FOXN3: variants seen among roughly 807,000 people sequenced by gnomAD.
The protein encoded by FOXN3 is forkhead box protein N3.
A neutral mutation model predicts 38.4 loss-of-function variants in FOXN3; 7 were observed. The ratio of observed to expected loss-of-function variants is 0.18; its 90% confidence interval spans 0.10 to 0.34. FOXN3 has a LOEUF of 0.34. Among genes scored for constraint, FOXN3 ranks in the 10% least tolerant of loss-of-function variants. The pLI is 1.00. For synonymous variants in FOXN3, 230 were observed against 242.2 expected (o/e 0.95, Z 0.47); for missense variants, 456 against 613.4 (o/e 0.74, Z 2.71).
chr14:89,433,315 C>G (rs1892203221), intron 1 of FOXN3, among the ~76,000 whole-genome samples: 1 of 152,174 alleles, frequency 6.6e-6, no homozygotes, highest in Non-Finnish European at 1.5e-5. Context: ...AACCCCATCT[C>G]TACTAAAAAT....
At position 89,158,785 on chromosome 14, in the gene FOXN3, A is replaced by C. The variant is rs1016028544; in HGVS notation, c.*3629T>G. On this transcript the variant is annotated 3_prime_UTR_variant, in exon 6 of 6. Coordinates refer to ENST00000557258, the MANE Select transcript of FOXN3 (RefSeq NM_005197.4). ...ATGTATCCGAGGGCCAATAGCAAGT[A>C]ATCGTAGACGTCGTGGTGTTGATGT... 2 of 152,642 alleles carry C rather than the reference A, an allele frequency of 1.3e-5. No homozygotes were observed. The highest frequency in any genetic ancestry group is 4.8e-5 in the African/African-American group (2 of 41,460). 9.5% of individuals were successfully genotyped at this position (152,642 alleles called of 1,614,324 possible). A position where few individuals can be genotyped will look rare whatever the true frequency, so the allele number is the denominator to read the frequency against.
intron 1 of FOXN3, among the ~76,000 whole-genome samples, chr14:89,487,328 C>T (rs1893468716): frequency 1.3e-5 from 2 of 152,200 alleles, no homozygotes; most frequent in Admixed American, 6.5e-5. Flanking sequence ...AAAAGAATGG[C>T]ATTAGCCTAC....
At chr14:89,371,425 C>T (rs1890316399) in intron 2 of FOXN3, among the ~76,000 whole-genome samples, 1 of 151,930 alleles carries the variant, frequency 6.6e-6, no homozygotes, top group Non-Finnish European at 1.5e-5. Context: ...ACCAACAATC[C>T]AAGAAAACCT....
chr14:89,526,910 C>T (rs1283304864), intron 1 of FOXN3, among the ~76,000 whole-genome samples: 1 of 152,098 alleles, frequency 6.6e-6, no homozygotes, highest in African/African-American at 2.4e-5. Context: ...ACCAATGGAA[C>T]AGAATAGAGT....
intron 1 of FOXN3, among the ~76,000 whole-genome samples, chr14:89,460,425 C>A (rs144289613): frequency 6.6e-6 from 1 of 152,264 alleles, no homozygotes; most frequent in East Asian, 1.9e-4. Flanking sequence ...ATAACAAATG[C>A]CAATGATATG....
At chr14:89,459,674 C>A (rs1163558417) in intron 1 of FOXN3, among the ~76,000 whole-genome samples, 1 of 152,174 alleles carries the variant, frequency 6.6e-6, no homozygotes, top group African/African-American at 2.4e-5. Flanking sequence ...TGGAAGCATA[C>A]CCTTCCTCAC....
chr14:89,511,237 C>T (rs7142250), intron 1 of FOXN3, among the ~76,000 whole-genome samples: 6,222 of 25,648 alleles, frequency 0.24, 2,150 homozygotes, highest in African/African-American at 0.32. Context: ...CTTTTCTTTC[C>T]TTTTCTTTCT....
intron 3 of FOXN3, among the ~76,000 whole-genome samples, chr14:89,341,704 C>A (rs554522777): frequency 6.6e-6 from 1 of 152,150 alleles, no homozygotes; most frequent in East Asian, 1.9e-4. Context: ...TAAGCTTCTA[C>A]AAGACAAAGT....
intron 3 of FOXN3, among the ~76,000 whole-genome samples, chr14:89,339,490 G>A (rs1049800132): frequency 1.3e-5 from 2 of 152,124 alleles, no homozygotes; most frequent in African/African-American, 2.4e-5. Flanking sequence ...TCCAGTCCCC[G>A]TCTGCACCAG....
intron 2 of FOXN3, among the ~76,000 whole-genome samples, chr14:89,356,971 G>T (rs1731340417): frequency 6.6e-6 from 1 of 152,234 alleles, no homozygotes; most frequent in South Asian, 2.1e-4. Flanking sequence ...CACCTGCAGA[G>T]AACTGATATG....
intron 1 of FOXN3, among the ~76,000 whole-genome samples, chr14:89,589,238 C>T (rs907211325): frequency 5.3e-5 from 8 of 152,056 alleles, no homozygotes; most frequent in Non-Finnish European, 2.9e-5. Flanking sequence ...GATGTGTTTT[C>T]CTAATATCTA....
intron 1 of FOXN3, among the ~76,000 whole-genome samples, chr14:89,478,931 C>CAAAAAAAAAA (rs59945805): frequency 0.2 from 10,735 of 53,576 alleles, 2,572 homozygotes; most frequent in East Asian, 0.34. Flanking sequence ...GACTCCATCT[C>CAAAAAAAAAA]AAAAAAAAAA....
Position 89,162,748 on chromosome 14 carries a change from C to G in FOXN3, c.1073G>C (p.Ser358Thr), listed in dbSNP as rs751640543. Residue 358 changes from serine to threonine, a missense_variant, in exon 6 of 6, where the codon AGC (serine) becomes ACC (threonine). Around this residue, in one of 3 missense-constraint regions of FOXN3, gnomAD observed 386 missense variants for 505.2 expected, o/e 0.76. Coordinates refer to ENST00000557258, the MANE Select transcript of FOXN3 (RefSeq NM_005197.4). The surrounding 1 kb of genome is among the most constrained non-coding windows in gnomAD (Gnocchi z 7.2). ...CTCGTGGCTCCGGAAGCTCCCCTCGCTGCCCTCGCTGCCCTCCTGGCTCCC... is the reference window on the plus strand; with the variant it reads ...CTCGTGGCTCCGGAAGCTCCCCTCGGTGCCCTCGCTGCCCTCCTGGCTCCC... ...TKGSQEGSEG[S>T]EGSFRSHESP... is the part of the protein sequence containing the mutation. 6.2e-7 allele frequency: 1 copy of G among 1,607,470 alleles called. No individual in the cohort carries two copies. Among genetic ancestry groups the G allele is most frequent in the African/African-American group, 1.3e-5 (1 of 74,860 alleles).
chr14:89,504,483 A>C (rs1893868717), intron 1 of FOXN3, among the ~76,000 whole-genome samples: 1 of 152,152 alleles, frequency 6.6e-6, no homozygotes, highest in Non-Finnish European at 1.5e-5. Flanking sequence ...AATAATTCCC[A>C]ATGGACTAAT....
At chr14:89,309,439 T>C (rs1230613538) in intron 3 of FOXN3, among the ~76,000 whole-genome samples, 1 of 152,120 alleles carries the variant, frequency 6.6e-6, no homozygotes, top group Non-Finnish European at 1.5e-5. Flanking sequence ...TGGCCTCTGG[T>C]ATTAGAATTA....
intron 3 of FOXN3, among the ~76,000 whole-genome samples, chr14:89,288,669 T>G (rs1373742312): frequency 0.072 from 3,648 of 50,600 alleles, 344 homozygotes; most frequent in East Asian, 0.19. Flanking sequence ...AGGCACTCTC[T>G]TTCTCTCTCT....
chr14:89,519,106 C>G (rs573086664), intron 1 of FOXN3, among the ~76,000 whole-genome samples: 143 of 152,092 alleles, frequency 9.4e-4, no homozygotes, highest in Middle Eastern at 3.4e-3. Flanking sequence ...GAAACCAGGC[C>G]AGGCTGGAGG....
chr14:89,533,168 C>T (rs1049028449), intron 1 of FOXN3, among the ~76,000 whole-genome samples: 1 of 152,222 alleles, frequency 6.6e-6, no homozygotes, highest in African/African-American at 2.4e-5. Context: ...TAAAAAATTA[C>T]TGTGCTTTGG....
intron 1 of FOXN3, among the ~76,000 whole-genome samples, chr14:89,524,386 AAAAAAAAAAAAAAAAAAGAAAG>A (rs1293976618): frequency 0.015 from 1,576 of 107,730 alleles, 28 homozygotes; most frequent in Non-Finnish European, 0.017. Context: ...AAAAAAAAAA[AAAAAAAAAAAAAAAAAAGAAAG>A]AAAGAAACTA....
Sources: gnomAD v4.1 joint callset for allele counts (sites outside exome capture counted in the v4.1 genomes callset) on GRCh38, gnomAD v4.1.1 for gene constraint, gnomAD v4.1.1 regional missense constraint, Gnocchi (gnomAD v3.1) non-coding constraint, MANE v1.5 for transcripts, NCBI Gene and HGNC (gene_info 2026-07-23, HGNC 2026-07-21) for gene names.